PASD1: variants seen among roughly 807,000 people sequenced by gnomAD.
The protein encoded by PASD1 is circadian clock protein PASD1.
A neutral mutation model predicts 58.8 loss-of-function variants in PASD1; 13 were observed. The observed-to-expected ratio is 0.22, with a 90% CI of 0.14 to 0.35. The LOEUF is 0.35. Among genes scored for constraint, PASD1 ranks in the 10% least tolerant of loss-of-function variants. The pLI, the probability that PASD1 is intolerant of heterozygous loss-of-function variation, is 1.00. For synonymous variants in PASD1, 236 were observed against 216.7 expected (o/e 1.09, Z -0.78); for missense variants, 734 against 568.3 (o/e 1.29, Z -2.96).
rs1386213434 is a variant in PASD1, at chrX:151,653,892, T to C, written c.717+5190T>C. Among the ~76,000 whole-genome samples the C allele has an allele frequency of 8.7e-3, 439 of 50,563 alleles. 32 individuals are homozygous for C. The highest frequency in any genetic ancestry group is 0.012 in the African/African-American group (148 of 11,962). The allele number at this position is 50,563 out of a possible 115,157, so 43.9% of individuals were successfully genotyped here. On this transcript the variant is annotated intron_variant, in intron 9 of 15. Transcript: ENST00000370357. ...CCTCTTTCTTTCTTTCTTTCTTTCT[T>C]TCTTTCTTTCTTTCTTTCTTTCTTT...
At chrX:151,596,622 T>G (rs1487660840) in intron 1 of PASD1, among the ~76,000 whole-genome samples, 2 of 112,754 alleles carry the variant, frequency 1.8e-5, no homozygotes, top group Non-Finnish European at 3.7e-5. Flanking sequence ...GTTGCTGGTA[T>G]GTAGGAACAA....
chrX:151,623,277 T>A (rs1361300426), intron 7 of PASD1, among the ~76,000 whole-genome samples: 1 of 112,229 alleles, frequency 8.9e-6, no homozygotes, highest in Non-Finnish European at 1.9e-5. Context: ...TCGAAAGAGA[T>A]GCACAATCAT....
chrX:151,644,565 G>T (rs2014035854), intron 8 of PASD1, among the ~76,000 whole-genome samples: 1 of 111,289 alleles, frequency 9.0e-6, no homozygotes, highest in Admixed American at 9.6e-5. Context: ...AATTACAAAA[G>T]AACAATTGTA....
At chrX:151,616,991 G>GGTTCTCA (rs1441833117) in intron 4 of PASD1, among the ~76,000 whole-genome samples, 2 of 111,140 alleles carry the variant, frequency 1.8e-5, no homozygotes, top group African/African-American at 3.3e-5. Flanking sequence ...TTCTTGCCTA[G>GGTTCTCA]GTTCTCAGTA....
At position 151,625,480 on chromosome X, in the gene PASD1, A is replaced by G. The variant is rs1165901344; in HGVS notation, c.579A>G (p.Glu193=). The G allele has an allele frequency of 8.3e-7, 1 of 1,210,092 alleles. No individual in the cohort carries two copies. The highest frequency in any genetic ancestry group is 2.2e-5 in the Admixed American group (1 of 45,944). Residue 193 remains glutamate, a synonymous_variant, in exon 8 of 16, where the codon GAA becomes GAG. Transcript: ENST00000370357. ...QLYTSKAVSD[E]AVLTQDSDEE... ...ACACTTCAAAGGCAGTCAGTGATGA[A>G]GCTGTACTTACACAAGATTCAGATG...
chrX:151,564,509 A>G (rs1229591918), intron 1 of PASD1, among the ~76,000 whole-genome samples: 4 of 110,912 alleles, frequency 3.6e-5, no homozygotes, highest in African/African-American at 1.3e-4. Flanking sequence ...ACTTACACGG[A>G]GAGCACAGAA....
intron 8 of PASD1, among the ~76,000 whole-genome samples, 191 bp from the exon 9 acceptor site, chrX:151,648,424 A>G (rs978546945): frequency 1.8e-5 from 2 of 111,158 alleles, no homozygotes; most frequent in Admixed American, 9.6e-5. Context: ...GAGGGTCCAG[A>G]TGATTTTTTT....
At chrX:151,600,884 C>G (rs2013406212) in intron 1 of PASD1, among the ~76,000 whole-genome samples, 1 of 112,072 alleles carries the variant, frequency 8.9e-6, no homozygotes, top group African/African-American at 3.2e-5. Flanking sequence ...AGGATGTTTG[C>G]TATATTTTAA....
intron 15 of PASD1, among the ~76,000 whole-genome samples, chrX:151,674,724 C>T (rs1208738008): frequency 8.9e-6 from 1 of 112,412 alleles, no homozygotes; most frequent in Admixed American, 9.4e-5. Flanking sequence ...AGTTACGTAG[C>T]AGGTTTTGCT....
chrX:151,625,521 G>T lies in PASD1; in HGVS notation c.620G>T (p.Gly207Val), dbSNP rs138039578. 54 of 1,195,735 alleles carry T rather than the reference G, an allele frequency of 4.5e-5. No individual in the cohort carries two copies. Among genetic ancestry groups the T allele is most frequent in the Non-Finnish European group, 5.8e-5 (51 of 883,104 alleles). The change falls in exon 8 of 16, where the codon GGA (glycine) becomes GTA (valine). Residue 207 changes from glycine to valine, a missense_variant. Gly to Val is a moderately radical substitution (Grantham distance 109). Transcript: ENST00000370357. ...TQDSDEEPFV[G>V]ELSSSQGQRG... ...GATTCAGATGAGGAACCTTTTGTGG[G>T]AGAGCTCAGGTGAGAGGTAGTATTG...
chrX:151,604,607 T>C, intron 2 of PASD1, 39 bp from the exon 3 acceptor site: 1 of 997,582 alleles, frequency 1.0e-6, no homozygotes, highest in African/African-American at 1.9e-5. Flanking sequence ...ATCATTTTAA[T>C]GTGACACTGT....
intron 8 of PASD1, among the ~76,000 whole-genome samples, chrX:151,629,445 G>A (rs181497475): frequency 1.8e-5 from 2 of 111,539 alleles, no homozygotes; most frequent in African/African-American, 6.5e-5. Context: ...TGAATCTTCA[G>A]TGTTTTATGT....
chrX:151,601,685 T>C, intron 2 of PASD1, 104 bp downstream of exon 2: 1 of 840,651 alleles, frequency 1.2e-6, no homozygotes, highest in Non-Finnish European at 1.7e-6. Flanking sequence ...GAAGCCTGAT[T>C]CACTCAGAGA....
intron 14 of PASD1, 85 bp from the exon 15 acceptor site, chrX:151,673,843 G>T (rs2124321891): frequency 9.0e-7 from 1 of 1,115,841 alleles, no homozygotes; most frequent in Non-Finnish European, 1.2e-6. Context: ...AAATGTGCCT[G>T]AAGCACCTAC....
Position 151,604,639 on chromosome X carries a change from T to TA in PASD1, c.29-2dup, listed in dbSNP as rs756853793. The TA allele has an allele frequency of 4.5e-5, 53 of 1,186,648 alleles. No homozygotes were observed. Among genetic ancestry groups the TA allele is most frequent in the Non-Finnish European group, 6.0e-5 (53 of 876,247 alleles). ...CTGTTCTGTACTTTCTTCCTTTTTC[T>TA]AAAAAGACAAAGTCAATCCAAAAAG... On this transcript the variant is annotated splice_polypyrimidine_tract_variant and splice_region_variant and intron_variant, in intron 2 of 15. Transcript: ENST00000370357.
rs183761631 is a variant in PASD1 at position 151,633,628 on chromosome X, A to G, written c.629+8098A>G. Among the ~76,000 whole-genome samples, 6 of 111,917 alleles carry G rather than the reference A, an allele frequency of 5.4e-5. No individual in the cohort carries two copies. The East Asian group carries it at 1.7e-3, about 32-fold the overall frequency. On this transcript the variant is annotated intron_variant, in intron 8 of 15. Coordinates refer to ENST00000370357, the MANE Select transcript of PASD1 (RefSeq NM_173493.3). Reference sequence around the variant, plus strand: ...GCCAACCCATACTCCATCTTCAGCTACATGACAAATTATTTTGATCATCTA... The same window carrying G: ...GCCAACCCATACTCCATCTTCAGCTGCATGACAAATTATTTTGATCATCTA...
At chrX:151,566,913 T>C (rs1051849306) in intron 1 of PASD1, among the ~76,000 whole-genome samples, 2 of 108,772 alleles carry the variant, frequency 1.8e-5, no homozygotes, top group African/African-American at 6.7e-5. Flanking sequence ...CTAAGCCCGG[T>C]GCGTGCCTGT....
chrX:151,575,944 A>G (rs1164861729), intron 1 of PASD1, among the ~76,000 whole-genome samples: 1 of 110,184 alleles, frequency 9.1e-6, no homozygotes, highest in Non-Finnish European at 1.9e-5. Context: ...GCTCACTGCA[A>G]CCTCCACCTC....
chrX:151,603,917 T>C (rs1167469578), intron 2 of PASD1, among the ~76,000 whole-genome samples: 3 of 111,882 alleles, frequency 2.7e-5, no homozygotes, highest in Non-Finnish European at 5.6e-5. Context: ...CATTTTTCTG[T>C]GAGGAGAAGG....
Sources: gnomAD v4.1 joint callset for allele counts (sites outside exome capture counted in the v4.1 genomes callset) on GRCh38, gnomAD v4.1.1 for gene constraint, MANE v1.5 for transcripts, NCBI Gene and HGNC (gene_info 2026-07-23, HGNC 2026-07-21) for gene names.